MRPS27: variants seen among roughly 807,000 people sequenced by gnomAD.
The protein encoded by MRPS27 is small ribosomal subunit protein mS27.
A neutral mutation model predicts 48.9 loss-of-function variants in MRPS27; 43 were observed. The ratio of observed to expected loss-of-function variants is 0.88; its 90% CI spans 0.69 to 1.13. The LOEUF is 1.13. Ranked by LOEUF, MRPS27 falls within the 50% of genes most tolerant of loss-of-function variation. The pLI, the probability that MRPS27 is intolerant of heterozygous loss-of-function variation, is 0.00. For synonymous variants in MRPS27, 188 were observed against 171.9 expected (o/e 1.09, Z -0.73); for missense variants, 467 against 476.3 (o/e 0.98, Z 0.18).
chr5:72,246,459 A>G lies in MRPS27; in HGVS notation c.282-8331T>C, dbSNP rs568714335. On this transcript the variant is annotated intron_variant, in intron 4 of 10. Transcript: ENST00000261413. ...AAGTTGAGGGAACAGACAAGCTGCT[A>G]GGAGAGTGAAGCCGTTAAGTTGAGG... Among the ~76,000 whole-genome samples, 4 of 152,304 alleles carry G rather than the reference A, an allele frequency of 2.6e-5. No homozygotes were observed. The East Asian group carries it at 7.7e-4, about 29-fold the overall frequency.
chr5:72,225,435 G>A (rs966472677), intron 9 of MRPS27, among the ~76,000 whole-genome samples: 1 of 152,178 alleles, frequency 6.6e-6, no homozygotes, highest in African/African-American at 2.4e-5. Context: ...AGCTGCCTGT[G>A]GGGTGTAAGG....
intron 4 of MRPS27, among the ~76,000 whole-genome samples, chr5:72,287,213 AC>A (rs1485061183): frequency 6.6e-6 from 1 of 151,876 alleles, no homozygotes; most frequent in African/African-American, 2.4e-5. Context: ...CCCAACACCA[AC>A]CCCCAGCTGT....
At chr5:72,229,799 G>A (rs1381913440) in intron 7 of MRPS27, among the ~76,000 whole-genome samples, 5 of 152,184 alleles carry the variant, frequency 3.3e-5, no homozygotes, top group African/African-American at 9.7e-5. Flanking sequence ...ATTGTCTGGG[G>A]CTGCTGGAAC....
chr5:72,296,372 G>A (rs1270446657), intron 3 of MRPS27, among the ~76,000 whole-genome samples: 3 of 152,154 alleles, frequency 2.0e-5, no homozygotes, highest in Non-Finnish European at 4.4e-5. Flanking sequence ...TCCATTAAGG[G>A]CATATAAAAT....
At chr5:72,237,838 T>C (rs1338444410) in intron 5 of MRPS27, among the ~76,000 whole-genome samples, 176 bp downstream of exon 5, 1 of 152,160 alleles carries the variant, frequency 6.6e-6, no homozygotes, top group African/African-American at 2.4e-5. Context: ...ACAGGATTTT[T>C]TTTTTTAATT....
intron 5 of MRPS27, among the ~76,000 whole-genome samples, chr5:72,237,307 C>T (rs1748221590): frequency 1.3e-5 from 2 of 152,102 alleles, no homozygotes; most frequent in South Asian, 4.1e-4. Context: ...GTCTCACAAA[C>T]AAACTGTATA....
chr5:72,272,083 C>T (rs1266894635), intron 4 of MRPS27, among the ~76,000 whole-genome samples: 3 of 152,174 alleles, frequency 2.0e-5, no homozygotes, highest in Non-Finnish European at 4.4e-5. Context: ...TGGGATTCCC[C>T]CCCCATCTCC....
At chr5:72,315,802 T>C (rs1245631975) in intron 1 of MRPS27, among the ~76,000 whole-genome samples, 1 of 152,188 alleles carries the variant, frequency 6.6e-6, no homozygotes. Context: ...GTGCAGCTGC[T>C]TTTTAAAGAA....
At chr5:72,281,285 G>A (rs187253909) in intron 4 of MRPS27, among the ~76,000 whole-genome samples, 179 of 152,228 alleles carry the variant, frequency 1.2e-3, no homozygotes, top group African/African-American at 4.1e-3. Context: ...ATTTCTTGGA[G>A]TCTCATAAAT....
chr5:72,250,704 T>G (rs1015767966), intron 4 of MRPS27, among the ~76,000 whole-genome samples: 1 of 152,238 alleles, frequency 6.6e-6, no homozygotes, highest in Admixed American at 6.5e-5. Flanking sequence ...TTAGGCATTT[T>G]GCCGGCTTAT....
At chr5:72,253,780 G>A (rs193298009) in intron 4 of MRPS27, among the ~76,000 whole-genome samples, 374 of 152,270 alleles carry the variant, frequency 2.5e-3, no homozygotes, top group Non-Finnish European at 4.3e-3. Context: ...AAGAAATATT[G>A]TTAAGATGTA....
Position 72,219,634 on chromosome 5 carries a change from C to T in MRPS27, c.*1275G>A, listed in dbSNP as rs916444860. ...AACACTACATAGTAAGCAAAATCTG[C>T]TCTGAACCCTTTCACAGAAGAGACA... On this transcript the variant is annotated 3_prime_UTR_variant, in exon 11 of 11. Transcript: ENST00000261413. 6.6e-6 allele frequency: 1 copy of T among 152,170 alleles called. No homozygotes were observed. Among genetic ancestry groups the T allele is most frequent in the Non-Finnish European group, 1.5e-5 (1 of 68,026 alleles). 9.4% of individuals were successfully genotyped at this position (152,170 alleles called of 1,614,324 possible).
intron 4 of MRPS27, among the ~76,000 whole-genome samples, chr5:72,242,467 T>C (rs1748380560): frequency 6.7e-6 from 1 of 148,904 alleles, no homozygotes; most frequent in Non-Finnish European, 1.5e-5. Flanking sequence ...ACTGTGATTA[T>C]ATAGGAGGTA....
intron 4 of MRPS27, among the ~76,000 whole-genome samples, chr5:72,288,319 C>T (rs933931189): frequency 1.3e-5 from 2 of 152,028 alleles, no homozygotes; most frequent in South Asian, 4.1e-4. Context: ...GCCGTTCTCC[C>T]GCCTTAGCCT....
intron 5 of MRPS27, among the ~76,000 whole-genome samples, chr5:72,234,574 ACT>A (rs748074181): frequency 6.6e-6 from 1 of 152,000 alleles, no homozygotes; most frequent in African/African-American, 2.4e-5. Flanking sequence ...ACAAAAACAG[ACT>A]CTCATGAGAA....
intron 9 of MRPS27, among the ~76,000 whole-genome samples, chr5:72,225,822 A>G (rs1747878728): frequency 6.6e-6 from 1 of 151,492 alleles, no homozygotes; most frequent in African/African-American, 2.4e-5. Flanking sequence ...AGGCAGTGGA[A>G]TAGTTTTTTT....
Position 72,234,480 on chromosome 5 carries a change from AC to A in MRPS27, c.397-284del, listed in dbSNP as rs564303334. ...AACACCTCATCATAGCTTAAAAAAA[AC>A]ATAAAAGAAAAAAGAAAAAAAGAAA... is the stretch of plus-strand genomic sequence containing the variant. On this transcript the variant is annotated intron_variant, in intron 5 of 10. Coordinates refer to ENST00000261413, the MANE Select transcript of MRPS27 (RefSeq NM_015084.3). 3.7e-3 allele frequency among the ~76,000 whole-genome samples: 562 copies of A among 152,096 alleles called. 1 individual carries two copies. Among genetic ancestry groups the A allele is most frequent in the African/African-American group, 0.013 (544 of 41,488 alleles).
At chr5:72,277,027 T>A (rs1178516520) in intron 4 of MRPS27, among the ~76,000 whole-genome samples, 2 of 150,578 alleles carry the variant, frequency 1.3e-5, no homozygotes, top group Non-Finnish European at 3.0e-5. Flanking sequence ...TGAGACTCCA[T>A]CTCCAAAGGG....
chr5:72,225,768 T>A (rs896297111), intron 9 of MRPS27, among the ~76,000 whole-genome samples: 5 of 146,080 alleles, frequency 3.4e-5, no homozygotes, highest in South Asian at 2.1e-4. Context: ...CTCTCTTGAG[T>A]TCCCACTGAG....
Sources: allele counts gnomAD v4.1 joint callset (sites outside exome capture counted in the v4.1 genomes callset), GRCh38; gene constraint gnomAD v4.1.1; transcripts MANE v1.5; gene names NCBI Gene and HGNC (gene_info 2026-07-23, HGNC 2026-07-21).